Variants in TASOR observed in about 807,000 individuals in gnomAD.
TASOR encodes the protein protein TASOR.
In TASOR, 53 loss-of-function variants were observed where a neutral mutation model predicts 178.6. The observed-to-expected ratio is 0.30, with a 90% CI of 0.24 to 0.37. The LOEUF is 0.37. Ranked by LOEUF, TASOR falls within the 10% of genes least tolerant of loss-of-function variation. The pLI is 1.00. For missense variants in TASOR, 1,815 were observed against 1,971.4 expected (o/e 0.92, Z 1.50); for synonymous variants, 713 against 696.2 (o/e 1.02, Z -0.38).
Position 56,633,804 on chromosome 3 carries a change from C to T in TASOR, c.2987G>A (p.Gly996Asp). 6.2e-7 allele frequency: 1 copy of T among 1,614,188 alleles called. No homozygotes were observed. The highest frequency in any genetic ancestry group is 8.5e-7 in the Non-Finnish European group (1 of 1,180,026). The change falls in exon 18 of 24, where the codon GGT (glycine) becomes GAT (aspartate). Residue 996 changes from glycine to aspartate, a missense_variant. Physicochemically the swap from Gly to Asp is moderately conservative, Grantham distance 94 (BLOSUM62 -1). Transcript: ENST00000683822. Reference sequence around the variant, plus strand: ...TGGCACACACTGCTCCTCCACCTGACCTGTCAACACGTCATCCTCAGTGGT... The same window carrying T: ...TGGCACACACTGCTCCTCCACCTGATCTGTCAACACGTCATCCTCAGTGGT... ...KGTTEDDVLT[G>D]QVEEQCVPAA...
At position 56,623,175 on chromosome 3, in the gene TASOR, G is replaced by A; in HGVS notation, c.4875C>T (p.Ala1625=). 6.2e-7 allele frequency: 1 copy of A among 1,613,614 alleles called. No individual in the cohort carries two copies. Among genetic ancestry groups the A allele is most frequent in the Non-Finnish European group, 8.5e-7 (1 of 1,179,830 alleles). ...TTTCTTGAGACTGACTTGATGAAAG[G>A]GCATATGGTGTCCCCAAAAATGTCT... ...THQTFLGTPY[A]LSSSQSQENE... Residue 1625 remains alanine, a synonymous_variant, in exon 24 of 24, where the codon GCC becomes GCT. Transcript: ENST00000683822.
intron 1 of TASOR, among the ~76,000 whole-genome samples, chr3:56,678,176 G>GTTTTT (rs2031477533): frequency 1.1e-5 from 1 of 93,168 alleles, no homozygotes; most frequent in East Asian, 5.0e-4. Context: ...ACACACTTAT[G>GTTTTT]ATTTTTTTTT....
At position 56,671,599 on chromosome 3, in the gene TASOR, C is replaced by A; in HGVS notation, c.570+1G>T. ...GTTTTTTATAAAATGCGTTAACTCA[C>A]CTGGTATCGATCAACCATCAGAAAT... On this transcript the variant is annotated splice_donor_variant, in intron 3 of 23. Coordinates refer to ENST00000683822, the MANE Select transcript of TASOR (RefSeq NM_001365635.2). LOFTEE classifies it high-confidence loss of function. 6.5e-7 allele frequency: 1 copy of A among 1,543,910 alleles called. No homozygotes were observed. The highest frequency in any genetic ancestry group is 8.7e-7 in the Non-Finnish European group (1 of 1,142,900).
chr3:56,633,130 C>G lies in TASOR; in HGVS notation c.3661G>C (p.Val1221Leu). 6.2e-7 allele frequency: 1 copy of G among 1,613,458 alleles called. No individual in the cohort carries two copies. The highest frequency in any genetic ancestry group is 1.7e-5 in the Admixed American group (1 of 59,896). ...TTCTGGACGTCTTTCATGATTTTAA[C>G]CAAACTATTAAATACTTCAGGTTCT... ...QLEPEVFNSL[V>L]KIMKDVQKNT... is the part of the protein sequence containing the mutation. Residue 1221 changes from valine (V) to leucine (L), a missense_variant, in exon 18 of 24, where the codon GTT (valine) becomes CTT (leucine). Transcript: ENST00000683822.
In TASOR at chr3:56,620,841, T is replaced by A. The variant is rs1360998377; in HGVS notation, c.*2196A>T. 6.6e-6 allele frequency: 1 copy of A among 152,280 alleles called. No homozygotes were observed. Among genetic ancestry groups the A allele is most frequent in the African/African-American group, 2.4e-5 (1 of 41,396 alleles). 9.4% of individuals were successfully genotyped at this position (152,280 alleles called of 1,614,324 possible). On this transcript the variant is annotated 3_prime_UTR_variant, in exon 24 of 24. Coordinates refer to ENST00000683822, the MANE Select transcript of TASOR (RefSeq NM_001365635.2). ...CTTCTGTTAGCATCTAAGGTAAGGT[T>A]AGGACAGTCAAGATAAAATACTGGA...
At chr3:56,657,327 G>GAA (rs35444207) in intron 11 of TASOR, among the ~76,000 whole-genome samples, 23 of 88,286 alleles carry the variant, frequency 2.6e-4, no homozygotes, top group Admixed American at 1.3e-3. Context: ...GCTCTGTCTC[G>GAA]AAAAAAAAAA....
intron 17 of TASOR, among the ~76,000 whole-genome samples, chr3:56,638,176 C>A (rs754274190): frequency 6.6e-6 from 1 of 151,888 alleles, no homozygotes; most frequent in African/African-American, 2.4e-5. Flanking sequence ...ACCAGCCTGG[C>A]AAACATGGTG....
rs1668776937 is a variant in TASOR at position 56,683,167 on chromosome 3, G to A, written c.-161C>T. 1 of 749,854 alleles carries A rather than the reference G, an allele frequency of 1.3e-6. No homozygotes were observed. Among genetic ancestry groups the A allele is most frequent in the African/African-American group, 1.8e-5 (1 of 55,722 alleles). 46.5% of individuals were successfully genotyped at this position (749,854 alleles called of 1,614,324 possible). ...GCTCCCGACCTGGCAGCCTCTTGGG[G>A]GGCCCTGTAGCGGGCACCCCAAATG... On this transcript the variant is annotated 5_prime_UTR_variant, in exon 1 of 24. Transcript: ENST00000683822.
chr3:56,674,594 C>T (rs531269725), intron 1 of TASOR, among the ~76,000 whole-genome samples: 150 of 152,278 alleles, frequency 9.9e-4, no homozygotes, highest in Non-Finnish European at 1.5e-3. Flanking sequence ...ATTATGACAA[C>T]TTAGTAAAAT....
At chr3:56,665,268 T>C (rs115888815) in intron 7 of TASOR, among the ~76,000 whole-genome samples, 72 of 152,332 alleles carry the variant, frequency 4.7e-4, no homozygotes, top group African/African-American at 1.7e-3. Context: ...CACTAAATAT[T>C]TGATTGGTTT....
At position 56,634,412 on chromosome 3, in the gene TASOR, A is replaced by G. The variant is rs911519915; in HGVS notation, c.2825-446T>C. Among the ~76,000 whole-genome samples the G allele has an allele frequency of 2.6e-5, 4 of 152,340 alleles. No individual in the cohort carries two copies. The South Asian group carries it at 6.2e-4, about 24-fold the overall frequency. ...TTCTGAGTGTAAGGCAATTGTAAGA[A>G]TACCAAACAGAAATGCTGTGGGAAT... On this transcript the variant is annotated intron_variant, in intron 17 of 23. Transcript: ENST00000683822.
At chr3:56,670,282 A>AT in intron 3 of TASOR, 137 bp from the exon 4 acceptor site, 1 of 500,292 alleles carries the variant, frequency 2.0e-6, no homozygotes, top group Non-Finnish European at 3.5e-6. Flanking sequence ...AATCTTATAT[A>AT]TTTGCCACTT....
At chr3:56,669,419 C>A (rs953718230) in intron 5 of TASOR, among the ~76,000 whole-genome samples, 1 of 152,114 alleles carries the variant, frequency 6.6e-6, no homozygotes, top group East Asian at 1.9e-4. Context: ...AGGAGAATGG[C>A]ATGAACTCGG....
At chr3:56,640,998 G>A (rs1217920989) in intron 15 of TASOR, among the ~76,000 whole-genome samples, 2 of 152,156 alleles carry the variant, frequency 1.3e-5, no homozygotes. Context: ...CTCTGTTACT[G>A]CCGACAGAAA....
At chr3:56,644,321 T>C (rs577719850) in intron 14 of TASOR, among the ~76,000 whole-genome samples, 2 of 146,500 alleles carry the variant, frequency 1.4e-5, no homozygotes, top group South Asian at 4.9e-4. Context: ...TCAAGACATG[T>C]CACAAGATAA....
chr3:56,646,905 A>C lies in TASOR; in HGVS notation c.1832T>G (p.Val611Gly), dbSNP rs1350812042. 6.2e-7 allele frequency: 1 copy of C among 1,611,218 alleles called. No individual in the cohort carries two copies. The highest frequency in any genetic ancestry group is 1.1e-5 in the South Asian group (1 of 89,812). The change falls in exon 14 of 24, where the codon GTG becomes GGG. Residue 611 changes from valine to glycine, a missense_variant. This residue lies in a region of TASOR where 504 missense variants were observed against 645.3 expected (regional missense o/e 0.78). Transcript: ENST00000683822. ...TAATTTACAAATAGGTAACTGATACACTTCAGGCCGAAAAATATAGGCATG... is the reference window on the plus strand; with the variant it reads ...TAATTTACAAATAGGTAACTGATACCCTTCAGGCCGAAAAATATAGGCATG... ...CLHAYIFRPE[V>G]YQLPICKLKE...
chr3:56,653,813 T>TA (rs964186871), intron 11 of TASOR, among the ~76,000 whole-genome samples: 8 of 151,014 alleles, frequency 5.3e-5, no homozygotes, highest in Admixed American at 2.6e-4. Flanking sequence ...ATATCAAAGT[T>TA]AAAAAAAAAT....
chr3:56,682,963 G>T lies in TASOR; in HGVS notation c.44C>A (p.Ala15Glu). ...VETEACQPTD[A>E]SWESGGGGDD... ...TCCGCCGCCGCCACTTTCCCAACTC[G>T]CATCCGTCGGCTGACAGGCCTCCGT... The change falls in exon 1 of 24, where the codon GCG becomes GAG. Residue 15 changes from alanine to glutamate, a missense_variant. Ala to Glu is a moderately radical substitution (Grantham distance 107). Transcript: ENST00000683822. 3 of 1,549,274 alleles carry T rather than the reference G, an allele frequency of 1.9e-6. No homozygotes were observed. The highest frequency in any genetic ancestry group is 2.6e-6 in the Non-Finnish European group (3 of 1,146,254).
In TASOR at chr3:56,640,118, T is replaced by A; in HGVS notation, c.2632A>T (p.Ile878Phe). ...CAATCTTCAAAATTATTCACGCTAA[T>A]TAAATTTGGATCCTAAAAATCAAAG... Reference protein sequence around the residue: ...KLHLKEDPNLISVNNFEDCSL... With the variant: ...KLHLKEDPNLFSVNNFEDCSL... The change falls in exon 16 of 24, where the codon ATT (isoleucine) becomes TTT (phenylalanine). Residue 878 changes from isoleucine (I) to phenylalanine (F), a missense_variant. Physicochemically the swap from Ile to Phe is conservative, Grantham distance 21. This residue lies in a region of TASOR where 655 missense variants were observed against 671.1 expected (regional missense o/e 0.98). Transcript: ENST00000683822. 1 of 1,612,820 alleles carries A rather than the reference T, an allele frequency of 6.2e-7. No homozygotes were observed.
Sources: allele counts gnomAD v4.1 joint callset (sites outside exome capture counted in the v4.1 genomes callset), GRCh38; gene constraint gnomAD v4.1.1; regional missense constraint gnomAD v4.1.1; transcripts MANE v1.5; gene names NCBI Gene and HGNC (gene_info 2026-07-23, HGNC 2026-07-21).